The following PNMA2 variants were observed in gnomAD, a reference collection of about 807,000 sequenced individuals.
PNMA2 encodes paraneoplastic antigen Ma2.
For missense variants in PNMA2, 455 were observed against 452.9 expected, an observed-to-expected ratio of 1.00 and a Z score of -0.04; for synonymous variants, 175 against 183.5, an observed-to-expected ratio of 0.95 and a Z score of 0.38.
Position 26,504,753 on chromosome 8 carries a change from G to A in PNMA2, c.*2908C>T, listed in dbSNP as rs983392102. The A allele has an allele frequency of 6.6e-6, 1 of 152,402 alleles. No individual in the cohort carries two copies. Among genetic ancestry groups the A allele is most frequent in the Admixed American group, 6.6e-5 (1 of 15,254 alleles). 9.4% of individuals were successfully genotyped at this position (152,402 alleles called of 1,614,324 possible). On this transcript the variant is annotated 3_prime_UTR_variant, in exon 3 of 3. Coordinates refer to ENST00000522362, the MANE Select transcript of PNMA2 (RefSeq NM_007257.6). ...CTTCACATTTATAACATTTTACTTT[G>A]TATACCGCCAATAAATGACAATGAA...
In PNMA2 at chr8:26,509,289, T is replaced by G. The variant is rs904676040; in HGVS notation, c.-488-46A>C. 1 of 159,546 alleles carries G rather than the reference T, an allele frequency of 6.3e-6. No homozygotes were observed. The highest frequency in any genetic ancestry group is 2.4e-5 in the African/African-American group (1 of 41,468). 9.9% of individuals were successfully genotyped at this position (159,546 alleles called of 1,614,324 possible). A position where few individuals can be genotyped will look rare whatever the true frequency, so the allele number is the denominator to read the frequency against. ...TTTACTACACAGCACTCTCTTTCCT[T>G]GGAAGCATCCATACTCTAATCTGGA... On this transcript the variant is annotated intron_variant, in intron 2 of 2. Coordinates refer to ENST00000522362, the MANE Select transcript of PNMA2 (RefSeq NM_007257.6). This position sits in a 1 kb window ranked among gnomAD's most constrained non-coding sequence, Gnocchi z 5.7.
chr8:26,513,114 C>CTTTTTTTTTTT (rs762812937), intron 1 of PNMA2: 1 of 125,070 alleles, frequency 8.0e-6, no homozygotes, highest in African/African-American at 3.6e-5. Flanking sequence ...TTTTTTCTCT[C>CTTTTTTTTTTT]TTTTTTTTTT....
intron 1 of PNMA2, among the ~76,000 whole-genome samples, chr8:26,513,541 C>T (rs1399869547): frequency 6.6e-6 from 1 of 152,208 alleles, no homozygotes; most frequent in Admixed American, 6.5e-5. Context: ...CCCCTCCTGT[C>T]CACCCTGCCT....
chr8:26,513,293 T>C, intron 1 of PNMA2, among the ~76,000 whole-genome samples: 1 of 151,944 alleles, frequency 6.6e-6, no homozygotes, highest in East Asian at 1.9e-4. Flanking sequence ...GACTGCACTC[T>C]TTGCTACACC....
Position 26,507,504 on chromosome 8 carries a change from G to T in PNMA2, c.*157C>A. ...GAAAGAGAGGAGAGGAGAGGAGAGA[G>T]GAGGAGAGAAGGAGAGAAGGAGGAA... is the stretch of plus-strand genomic sequence containing the variant. On this transcript the variant is annotated 3_prime_UTR_variant, in exon 3 of 3. Coordinates refer to ENST00000522362, the MANE Select transcript of PNMA2 (RefSeq NM_007257.6). 1.7e-6 allele frequency: 1 copy of T among 592,846 alleles called. No individual in the cohort carries two copies. The highest frequency in any genetic ancestry group is 2.9e-6 in the Non-Finnish European group (1 of 350,640). The allele number at this position is 592,846 out of a possible 1,614,324, so 36.7% of individuals were successfully genotyped here. A position where few individuals can be genotyped will look rare whatever the true frequency, so the allele number is the denominator to read the frequency against.
chr8:26,513,488 G>T (rs1378039931), intron 1 of PNMA2, among the ~76,000 whole-genome samples: 1 of 151,492 alleles, frequency 6.6e-6, no homozygotes, highest in Non-Finnish European at 1.5e-5. Context: ...CTGCCAAGGC[G>T]AGTGGACAAA....
At position 26,507,674 on chromosome 8, in the gene PNMA2, T is replaced by C. The variant is rs750454251; in HGVS notation, c.1082A>G (p.Glu361Gly). Residue 361 changes from glutamate (E) to glycine (G), a missense_variant, in exon 3 of 3, where the codon GAG becomes GGG. Physicochemically the swap from Glu to Gly is moderately conservative, Grantham distance 98. Transcript: ENST00000522362. ...CCCAGGTGGTTTTCAGTCGTCTCCC[T>C]CATGATTCCAGCGGCCATAGCCATC... Reference protein sequence around the residue: ...ERDGYGRWNHEGDD With the variant: ...ERDGYGRWNHGGDD The C allele has an allele frequency of 1.3e-6, 2 of 1,555,212 alleles. No homozygotes were observed. The highest frequency in any genetic ancestry group is 2.5e-5 in the South Asian group (2 of 79,184).
Position 26,509,640 on chromosome 8 carries a change from G to T in PNMA2, c.-581C>A, listed in dbSNP as rs1000312413. ...AGACATCACCCACCTCCACACAGTG[G>T]TGTGTCTGGCTCTTAGCTCCAGCCA... On this transcript the variant is annotated 5_prime_UTR_variant, in exon 2 of 3. Coordinates refer to ENST00000522362, the MANE Select transcript of PNMA2 (RefSeq NM_007257.6). The surrounding 1 kb of genome is among the most constrained non-coding windows in gnomAD (Gnocchi z 5.7). 2 of 152,174 alleles carry T rather than the reference G, an allele frequency of 1.3e-5. No individual in the cohort carries two copies. Among genetic ancestry groups the T allele is most frequent in the Non-Finnish European group, 2.9e-5 (2 of 68,034 alleles). 9.4% of individuals were successfully genotyped at this position (152,174 alleles called of 1,614,324 possible). A position where few individuals can be genotyped will look rare whatever the true frequency, so the allele number is the denominator to read the frequency against.
rs1808087519 is a variant in PNMA2 at position 26,508,373 on chromosome 8, C to T, written c.383G>A (p.Gly128Asp). The change falls in exon 3 of 3, where the codon GGC becomes GAC. Residue 128 changes from glycine to aspartate, a missense_variant. Coordinates refer to ENST00000522362, the MANE Select transcript of PNMA2 (RefSeq NM_007257.6). The surrounding 1 kb of genome is among the most constrained non-coding windows in gnomAD (Gnocchi z 5.5). ...GCAGGGCACTGTGGCTGGAGACACG[C>T]CCTCCTGCCCCAGGGCTCGAAACAT... ...SGMFRALGQE[G>D]VSPATVPCIS... The T allele has an allele frequency of 6.2e-7, 1 of 1,614,014 alleles. No individual in the cohort carries two copies. The highest frequency in any genetic ancestry group is 1.7e-5 in the Admixed American group (1 of 60,010).
chr8:26,512,304 G>A (rs1345771710), intron 1 of PNMA2, among the ~76,000 whole-genome samples: 1 of 152,162 alleles, frequency 6.6e-6, no homozygotes. Flanking sequence ...TTATTCAAAT[G>A]CAAAGCACAT....
chr8:26,507,776 A>T lies in PNMA2; in HGVS notation c.980T>A (p.Leu327Gln), dbSNP rs1808069508. Reference protein sequence around the residue: ...DQGPPPSFLELMKVIREEEEE... With the variant: ...DQGPPPSFLEQMKVIREEEEE... ...CTCTTCTTCCCGTATTACCTTCATT[A>T]GCTCAAGGAAGCTGGGGGGCGGGCC... The change falls in exon 3 of 3, where the codon CTA (leucine) becomes CAA (glutamine). Residue 327 changes from leucine (L) to glutamine (Q), a missense_variant. Transcript: ENST00000522362. 1.2e-6 allele frequency: 2 copies of T among 1,613,546 alleles called. No individual in the cohort carries two copies. The highest frequency in any genetic ancestry group is 1.7e-6 in the Non-Finnish European group (2 of 1,179,878).
At position 26,506,248 on chromosome 8, in the gene PNMA2, G is replaced by T. The variant is rs544011099; in HGVS notation, c.*1413C>A. On this transcript the variant is annotated 3_prime_UTR_variant, in exon 3 of 3. Transcript: ENST00000522362. The surrounding 1 kb of genome is among the most constrained non-coding windows in gnomAD (Gnocchi z 4.4). ...AAAGAGCAAAATTATACCACAACAG[G>T]GTGGCTGTATACATTCAATGAGATA... The T allele has an allele frequency of 6.6e-6, 1 of 152,104 alleles. No homozygotes were observed. The highest frequency in any genetic ancestry group is 2.4e-5 in the African/African-American group (1 of 41,412). 9.4% of individuals were successfully genotyped at this position (152,104 alleles called of 1,614,324 possible).
At position 26,508,568 on chromosome 8, in the gene PNMA2, T is replaced by C. The variant is rs144187029; in HGVS notation, c.188A>G (p.Asn63Ser). 205 of 1,614,214 alleles carry C rather than the reference T, an allele frequency of 1.3e-4. 1 individual carries two copies. In the African/African-American group the frequency reaches 2.1e-3, roughly 17 times the overall value. Residue 63 changes from asparagine to serine, a missense_variant, in exon 3 of 3, where the codon AAT becomes AGT. Physicochemically the swap from Asn to Ser is conservative, Grantham distance 46 (BLOSUM62 1). Transcript: ENST00000522362. This position sits in a 1 kb window ranked among gnomAD's most constrained non-coding sequence, Gnocchi z 5.5. Reference protein sequence around the residue: ...GKIFRKQENANAVLLELLEDT... With the variant: ...GKIFRKQENASAVLLELLEDT... ...TTCCAGAAGCTCTAGTAAGACAGCATTGGCATTCTCCTGCTTCCGGAATAT... is the reference window on the plus strand; with the variant it reads ...TTCCAGAAGCTCTAGTAAGACAGCACTGGCATTCTCCTGCTTCCGGAATAT...
At position 26,505,505 on chromosome 8, in the gene PNMA2, T is replaced by C. The variant is rs1291795675; in HGVS notation, c.*2156A>G. On this transcript the variant is annotated 3_prime_UTR_variant, in exon 3 of 3. Transcript: ENST00000522362. ...AGGTCTGATCTACACAACCATGTGG[T>C]GCTACCGCTTTTAAAATCTGTGAAC... 2 of 154,144 alleles carry C rather than the reference T, an allele frequency of 1.3e-5. No homozygotes were observed. The highest frequency in any genetic ancestry group is 1.5e-5 in the Non-Finnish European group (1 of 68,230). 9.5% of individuals were successfully genotyped at this position (154,144 alleles called of 1,614,324 possible).
Position 26,505,057 on chromosome 8 carries a change from A to G in PNMA2, c.*2604T>C, listed in dbSNP as rs1266298656. 2 of 152,474 alleles carry G rather than the reference A, an allele frequency of 1.3e-5. No homozygotes were observed. The highest frequency in any genetic ancestry group is 3.8e-4 in the East Asian group (2 of 5,200). The allele number at this position is 152,474 out of a possible 1,614,324, so 9.4% of individuals were successfully genotyped here. On this transcript the variant is annotated 3_prime_UTR_variant, in exon 3 of 3. Transcript: ENST00000522362. ...TAAAAAACAACAAGCACTCAAATTT[A>G]CAATAAGAGATGAAACGGTTTCTAA...
At chr8:26,511,264 C>T (rs921301331) in intron 1 of PNMA2, among the ~76,000 whole-genome samples, 2 of 151,990 alleles carry the variant, frequency 1.3e-5, no homozygotes, top group South Asian at 2.1e-4. Context: ...TTCATCAATT[C>T]GAATGGGGGC....
rs188057893 is a variant in PNMA2 at position 26,506,450 on chromosome 8, T to C, written c.*1211A>G. 1.3e-5 allele frequency: 2 copies of C among 152,398 alleles called. No individual in the cohort carries two copies. The highest frequency in any genetic ancestry group is 1.3e-4 in the Admixed American group (2 of 15,296). The allele number at this position is 152,398 out of a possible 1,614,324, so 9.4% of individuals were successfully genotyped here. The stretch of plus-strand genomic sequence containing the variant: ...TGCAGTCCCCTCATGTCCCCCTTTC[T>C]TTGGGGACACCTCTCAGGCTGTGGA... On this transcript the variant is annotated 3_prime_UTR_variant, in exon 3 of 3. Transcript: ENST00000522362. This position sits in a 1 kb window ranked among gnomAD's most constrained non-coding sequence, Gnocchi z 4.4.
chr8:26,506,833 G>C lies in PNMA2; in HGVS notation c.*828C>G, dbSNP rs1323002014. Reference sequence around the variant, plus strand: ...TATAGCTGTAGTCTTGTAACTCCTTGTACAGTGTCTCACAAAGCCAGGCAC... The same window carrying C: ...TATAGCTGTAGTCTTGTAACTCCTTCTACAGTGTCTCACAAAGCCAGGCAC... On this transcript the variant is annotated 3_prime_UTR_variant, in exon 3 of 3. Coordinates refer to ENST00000522362, the MANE Select transcript of PNMA2 (RefSeq NM_007257.6). This position sits in a 1 kb window ranked among gnomAD's most constrained non-coding sequence, Gnocchi z 4.4. 3 of 152,194 alleles carry C rather than the reference G, an allele frequency of 2.0e-5. No homozygotes were observed. The highest frequency in any genetic ancestry group is 7.2e-5 in the African/African-American group (3 of 41,442). The allele number at this position is 152,194 out of a possible 1,614,324, so 9.4% of individuals were successfully genotyped here.
intron 1 of PNMA2, among the ~76,000 whole-genome samples, chr8:26,513,388 G>GGC (rs1808204281): frequency 2.1e-5 from 3 of 141,092 alleles, no homozygotes; most frequent in East Asian, 2.1e-4. Flanking sequence ...CATGTTGTGT[G>GGC]CCCCCCCCCC....
Sources: gnomAD v4.1 joint callset for allele counts (sites outside exome capture counted in the v4.1 genomes callset) on GRCh38, gnomAD v4.1.1 for gene constraint, Gnocchi (gnomAD v3.1) non-coding constraint, MANE v1.5 for transcripts, NCBI Gene and HGNC (gene_info 2026-07-23, HGNC 2026-07-21) for gene names.